Variants in SLC12A2 observed in about 807,000 individuals in gnomAD.
SLC12A2 encodes solute carrier family 12 member 2.
SLC12A2 carries 67 observed loss-of-function variants against 136.3 expected under a neutral mutation model. The ratio of observed to expected loss-of-function variants is 0.49; its 90% CI spans 0.40 to 0.60. The LOEUF (loss-of-function observed/expected upper bound fraction) is 0.60. Ranked by LOEUF, SLC12A2 falls within the 20% of genes least tolerant of loss-of-function variation. SLC12A2 has a pLI of 0.00. For synonymous variants in SLC12A2, 619 were observed against 562.9 expected, an observed-to-expected ratio of 1.10 and a Z score of -1.41; for missense variants, 1,322 against 1,534.7, an observed-to-expected ratio of 0.86 and a Z score of 2.32.
intron 4 of SLC12A2, among the ~76,000 whole-genome samples, chr5:128,124,551 G>C (rs545755324): frequency 1.3e-5 from 2 of 152,250 alleles, no homozygotes; most frequent in South Asian, 4.1e-4. Context: ...CACAGAAAGA[G>C]CCAAATAAAA....
In SLC12A2 at chr5:128,178,027, A is replaced by G. The variant is rs541691140; in HGVS notation, c.2978-540A>G. On this transcript the variant is annotated intron_variant, in intron 21 of 26. Transcript: ENST00000262461. ...TGGGGACAAAACATAGGTAAAAATG[A>G]GAAGTCTTTCCTTAGACTAAGGTTT... Among the ~76,000 whole-genome samples the G allele has an allele frequency of 3.9e-5, 6 of 152,324 alleles. 1 individual carries two copies. The South Asian group carries it at 1.2e-3, about 32-fold the overall frequency.
intron 18 of SLC12A2, 110 bp downstream of exon 18, chr5:128,167,977 A>G (rs1374160680): frequency 6.7e-6 from 4 of 595,528 alleles, no homozygotes; most frequent in Admixed American, 6.8e-5. Context: ...TAATGGAAAT[A>G]TAAGAACGAA....
At position 128,084,236 on chromosome 5, in the gene SLC12A2, T is replaced by C. The variant is rs1160030536; in HGVS notation, c.282T>C (p.Ala94=). Reference sequence around the variant, plus strand: ...TTTCCGAGAACGCCGGGCGGGCCGCTGCTGCGGCGGCGGCGGCGGCGGCGG... The same window carrying C: ...TTTCCGAGAACGCCGGGCGGGCCGCCGCTGCGGCGGCGGCGGCGGCGGCGG... ...DLVSENAGRA[A]AAAAAAAAAA... Residue 94 remains alanine (A), a synonymous_variant, in exon 1 of 27, where the codon GCT becomes GCC. Transcript: ENST00000262461. The surrounding 1 kb of genome is among the most constrained non-coding windows in gnomAD (Gnocchi z 5.6). 4 of 1,281,684 alleles carry C rather than the reference T, an allele frequency of 3.1e-6. No homozygotes were observed. Among genetic ancestry groups the C allele is most frequent in the Admixed American group, 4.2e-5 (1 of 23,566 alleles). The allele number at this position is 1,281,684 out of a possible 1,614,324, so 79.4% of individuals were successfully genotyped here. A position where few individuals can be genotyped will look rare whatever the true frequency, so the allele number is the denominator to read the frequency against.
rs1762746368 is a variant in SLC12A2, at chr5:128,152,819, A to T, written c.2363+14A>T. 6.7e-7 allele frequency: 1 copy of T among 1,489,648 alleles called. No individual in the cohort carries two copies. Among genetic ancestry groups the T allele is most frequent in the Non-Finnish European group, 9.4e-7 (1 of 1,066,580 alleles). 92.3% of individuals were successfully genotyped at this position (1,489,648 alleles called of 1,614,324 possible). On this transcript the variant is annotated intron_variant, in intron 15 of 26. Coordinates refer to ENST00000262461, the MANE Select transcript of SLC12A2 (RefSeq NM_001046.3). ...GAAAAACTTTAGGTAAGTGATAAAG[A>T]AGGAAACATGGAAGCATTTTCTCTT... is the stretch of plus-strand genomic sequence containing the variant.
Position 128,144,226 on chromosome 5 carries a change from G to A in SLC12A2, c.1773+2245G>A, listed in dbSNP as rs141586684. ...ATCAAGTTTAGTTATGGACTCATTCGAGCAAAGAGGAATTTGGTATAAGTA... is the reference window on the plus strand; with the variant it reads ...ATCAAGTTTAGTTATGGACTCATTCAAGCAAAGAGGAATTTGGTATAAGTA... On this transcript the variant is annotated intron_variant, in intron 10 of 26. Coordinates refer to ENST00000262461, the MANE Select transcript of SLC12A2 (RefSeq NM_001046.3). Among the ~76,000 whole-genome samples the A allele has an allele frequency of 6.9e-3, 1,053 of 152,176 alleles. 4 individuals are homozygous for A. The highest frequency in any genetic ancestry group is 0.02 in the Middle Eastern group (6 of 294).
intron 1 of SLC12A2, among the ~76,000 whole-genome samples, chr5:128,102,145 C>G (rs1310194009): frequency 6.6e-6 from 1 of 151,786 alleles, no homozygotes; most frequent in African/African-American, 2.4e-5. Context: ...TGAGCTCTTA[C>G]TTTATTAATG....
chr5:128,129,546 A>G (rs1761939747), intron 4 of SLC12A2, among the ~76,000 whole-genome samples: 1 of 152,056 alleles, frequency 6.6e-6, no homozygotes, highest in African/African-American at 2.4e-5. Flanking sequence ...AAAGTGTAGA[A>G]TATTTTGAGC....
intron 13 of SLC12A2, among the ~76,000 whole-genome samples, chr5:128,150,344 T>C (rs1298315382): frequency 6.6e-6 from 1 of 151,842 alleles, no homozygotes; most frequent in Non-Finnish European, 1.5e-5. Flanking sequence ...TGAAAAATTG[T>C]TACTTTTTAA....
At chr5:128,110,030 A>T in intron 1 of SLC12A2, 1 of 1,066,918 alleles carries the variant, frequency 9.4e-7, no homozygotes, top group South Asian at 1.3e-5. Flanking sequence ...TCCCAAAAAG[A>T]CTTGGACAGA....
At chr5:128,135,858 C>T in intron 7 of SLC12A2, 50 bp downstream of exon 7, 1 of 990,960 alleles carries the variant, frequency 1.0e-6, no homozygotes, top group South Asian at 1.4e-5. Context: ...TTATAGAATT[C>T]TATCATCAAT....
rs116555254 is a variant in SLC12A2 at position 128,179,875 on chromosome 5, C to T, written c.3101-1008C>T. Reference sequence around the variant, plus strand: ...GTTACTTTCATTTGTTTTGATGTTCCAATTGTCCTATATTTCGCCAGCAGA... The same window carrying T: ...GTTACTTTCATTTGTTTTGATGTTCTAATTGTCCTATATTTCGCCAGCAGA... On this transcript the variant is annotated intron_variant, in intron 22 of 26. Transcript: ENST00000262461. Among the ~76,000 whole-genome samples the T allele has an allele frequency of 9.8e-3, 1,432 of 145,502 alleles. 24 individuals carry two copies. The highest frequency in any genetic ancestry group is 0.035 in the African/African-American group (1,359 of 39,224).
chr5:128,118,497 C>A (rs1761436668), intron 4 of SLC12A2, among the ~76,000 whole-genome samples: 2 of 152,008 alleles, frequency 1.3e-5, no homozygotes, highest in South Asian at 2.1e-4. Flanking sequence ...TGTATTCTTT[C>A]TTATAAGTGG....
At chr5:128,110,011 C>T in intron 1 of SLC12A2, 1 of 1,066,792 alleles carries the variant, frequency 9.4e-7, no homozygotes, top group Non-Finnish European at 1.5e-6. Flanking sequence ...GAAAAGATTG[C>T]AGTAGAAATC....
intron 24 of SLC12A2, 23 bp downstream of exon 24, chr5:128,182,964 G>T: frequency 6.7e-7 from 1 of 1,493,224 alleles, no homozygotes; most frequent in South Asian, 1.2e-5. Flanking sequence ...ACAAATTTCT[G>T]ATCCCTTTAT....
intron 21 of SLC12A2, among the ~76,000 whole-genome samples, chr5:128,177,876 G>A (rs1334732109): frequency 1.3e-5 from 2 of 152,100 alleles, no homozygotes; most frequent in African/African-American, 2.4e-5. Context: ...GAATATAAAT[G>A]GGAACTCCTT....
intron 1 of SLC12A2, among the ~76,000 whole-genome samples, chr5:128,101,020 A>G (rs927615446): frequency 5.3e-5 from 8 of 152,182 alleles, no homozygotes; most frequent in South Asian, 2.1e-4. Context: ...TGGTCACACC[A>G]TCCACTTTTA....
At chr5:128,103,426 T>G (rs1413595123) in intron 1 of SLC12A2, among the ~76,000 whole-genome samples, 1 of 152,210 alleles carries the variant, frequency 6.6e-6, no homozygotes, top group Non-Finnish European at 1.5e-5. Flanking sequence ...GCTCTACTAT[T>G]TCAGGACATT....
chr5:128,097,721 AC>A (rs1760596262), intron 1 of SLC12A2, among the ~76,000 whole-genome samples: 1 of 152,130 alleles, frequency 6.6e-6, no homozygotes, highest in African/African-American at 2.4e-5. Context: ...TAGATGATAA[AC>A]ATGTTGTTCT....
In SLC12A2 at chr5:128,131,251, G is replaced by T. The variant is rs755537747; in HGVS notation, c.1188+45G>T. On this transcript the variant is annotated intron_variant, in intron 5 of 26. Coordinates refer to ENST00000262461, the MANE Select transcript of SLC12A2 (RefSeq NM_001046.3). The stretch of plus-strand genomic sequence containing the variant: ...GTCATTCGTTTACCAAATCTTTATT[G>T]AGGGATTATATGCCGATCACCATGT... The T allele has an allele frequency of 3.8e-6, 6 of 1,586,190 alleles. No homozygotes were observed. In the South Asian group the frequency reaches 6.6e-5, roughly 18 times the overall value.
Sources: allele counts gnomAD v4.1 joint callset (sites outside exome capture counted in the v4.1 genomes callset), GRCh38; gene constraint gnomAD v4.1.1; non-coding constraint Gnocchi (gnomAD v3.1); transcripts MANE v1.5; gene names NCBI Gene and HGNC (gene_info 2026-07-23, HGNC 2026-07-21).